The following LRRC37A2 variants were observed in gnomAD, a reference collection of about 807,000 sequenced individuals.
LRRC37A2 encodes leucine-rich repeat-containing protein 37A2.
LRRC37A2 carries 9 observed loss-of-function variants against 68.8 expected under a neutral mutation model. That is an observed-to-expected ratio of 0.13 (90% CI 0.08 to 0.23). The LOEUF is 0.23. Among genes scored for constraint, LRRC37A2 ranks in the 10% least tolerant of loss-of-function variants. The pLI is 1.00. For synonymous variants in LRRC37A2, 63 were observed against 367.6 expected (o/e 0.17, Z 9.48); for missense variants, 168 against 950.4 (o/e 0.18, Z 10.82).
chr17:46,751,637 TATG>T, the LRRC37A2 span: 1 of 1,491,342 alleles, frequency 6.7e-7, no homozygotes, highest in Non-Finnish European at 9.3e-7. Flanking sequence ...TCGTTCTCCG[TATG>T]ACTCAGACAG....
At chr17:46,846,478 C>G in the LRRC37A2 span, among the ~76,000 whole-genome samples, 1 of 152,208 alleles carries the variant, frequency 6.6e-6, no homozygotes, top group Non-Finnish European at 1.5e-5. Context: ...AACTCAAGGA[C>G]AGTGTATATC....
At chr17:46,760,647 AAAAG>A in the LRRC37A2 span, among the ~76,000 whole-genome samples, 3 of 150,884 alleles carry the variant, frequency 2.0e-5, no homozygotes, top group African/African-American at 7.4e-5. Context: ...AAAAAAAAAA[AAAAG>A]AAAAAAAAAG....
At chr17:46,490,480 T>C in the LRRC37A2 span, among the ~76,000 whole-genome samples, 81 of 151,190 alleles carry the variant, frequency 5.4e-4, 8 homozygotes, top group African/African-American at 1.9e-3. Context: ...CCCAGCACTT[T>C]GGGAGGCCGA....
chr17:46,785,893 G>A, the LRRC37A2 span, among the ~76,000 whole-genome samples: 11 of 152,188 alleles, frequency 7.2e-5, no homozygotes, highest in African/African-American at 2.7e-4. Flanking sequence ...GGGCTGGAAT[G>A]TTGCAGCTTC....
the LRRC37A2 span, among the ~76,000 whole-genome samples, chr17:46,725,228 G>A: frequency 1.3e-5 from 2 of 152,292 alleles, no homozygotes; most frequent in Non-Finnish European, 1.5e-5. Context: ...AACCTACAGA[G>A]CAGACATCAT....
At chr17:46,994,318 AAC>A in the LRRC37A2 span, among the ~76,000 whole-genome samples, 1 of 151,664 alleles carries the variant, frequency 6.6e-6, no homozygotes, top group Non-Finnish European at 1.5e-5. Context: ...CCCGGAGGCG[AAC>A]GTTGTAGTGA....
At chr17:46,801,399 C>T in the LRRC37A2 span, among the ~76,000 whole-genome samples, 2 of 151,688 alleles carry the variant, frequency 1.3e-5, no homozygotes, top group Non-Finnish European at 2.9e-5. Flanking sequence ...GTGGGCACAT[C>T]ACCTGAGGTC....
At chr17:47,022,166 C>T in the LRRC37A2 span, among the ~76,000 whole-genome samples, 11 of 15,842 alleles carry the variant, frequency 6.9e-4, no homozygotes, top group East Asian at 2.2e-3. Flanking sequence ...CCTTTTTGTT[C>T]TCTTTTTTTT....
the LRRC37A2 span, chr17:46,713,920 C>G: frequency 6.2e-7 from 1 of 1,612,586 alleles, no homozygotes; most frequent in Non-Finnish European, 8.5e-7. Context: ...TCCCGTTCAT[C>G]AAGATCTGTT....
chr17:46,892,420 T>C, the LRRC37A2 span, among the ~76,000 whole-genome samples: 2 of 152,236 alleles, frequency 1.3e-5, no homozygotes, highest in African/African-American at 2.4e-5. Context: ...TGTGCCTTTG[T>C]ATGTGCCAGT....
At chr17:46,568,930 C>CT in the LRRC37A2 span, among the ~76,000 whole-genome samples, 1 of 124,372 alleles carries the variant, frequency 8.0e-6, no homozygotes, top group East Asian at 2.3e-4. Flanking sequence ...AGAAAGGATA[C>CT]TTTTTTTTTC....
the LRRC37A2 span, among the ~76,000 whole-genome samples, chr17:46,775,803 C>CG: frequency 6.6e-6 from 1 of 151,300 alleles, no homozygotes; most frequent in African/African-American, 2.4e-5. Context: ...TTAGTAGAGA[C>CG]GGGGTTTCAC....
chr17:46,934,914 CT>C, the LRRC37A2 span: 1 of 929,372 alleles, frequency 1.1e-6, no homozygotes, highest in South Asian at 1.3e-5. Context: ...TCCGCTGATT[CT>C]TTCACCAGCC....
chr17:46,892,901 G>A, the LRRC37A2 span, among the ~76,000 whole-genome samples: 1 of 151,986 alleles, frequency 6.6e-6, no homozygotes, highest in East Asian at 1.9e-4. Flanking sequence ...GCAGAGTGCT[G>A]GCTTATGCAG....
chr17:46,949,813 T>C, the LRRC37A2 span, among the ~76,000 whole-genome samples: 2 of 151,858 alleles, frequency 1.3e-5, no homozygotes, highest in Non-Finnish European at 2.9e-5. Flanking sequence ...AGCAAAGGGG[T>C]GTGCTCTGGG....
chr17:47,035,383 C>T, the LRRC37A2 span, among the ~76,000 whole-genome samples: 1 of 152,172 alleles, frequency 6.6e-6, no homozygotes, highest in Non-Finnish European at 1.5e-5. Context: ...TATGGATTTG[C>T]CTATTCTAGA....
chr17:46,537,075 CAATTTTTTTT>C (rs1272160808), intron 6 of LRRC37A2, among the ~76,000 whole-genome samples: 9 of 1,710 alleles, frequency 5.3e-3, no homozygotes, highest in Non-Finnish European at 0.029. Context: ...TTATTGTGGT[CAATTTTTTTT>C]TTTTTTTTTT....
chr17:46,779,103 A>ACACACACACACCCC, the LRRC37A2 span, among the ~76,000 whole-genome samples: 113 of 133,648 alleles, frequency 8.5e-4, 2 homozygotes, highest in East Asian at 0.011. Context: ...ACACACACAC[A>ACACACACACACCCC]CCCCAGCCCA....
At chr17:46,963,874 TA>T in the LRRC37A2 span, 3 of 152,356 alleles carry the variant, frequency 2.0e-5, no homozygotes, top group Middle Eastern at 3.4e-3. Context: ...TGGAGTGCAA[TA>T]GCACAATAAG....
Sources: allele counts gnomAD v4.1 joint callset (sites outside exome capture counted in the v4.1 genomes callset), GRCh38; gene constraint gnomAD v4.1.1; transcripts MANE v1.5; gene names NCBI Gene and HGNC (gene_info 2026-07-23, HGNC 2026-07-21).